Variants in FCGR1A observed in about 807,000 individuals in gnomAD.
FCGR1A encodes the protein Fc gamma receptor Ia.
In FCGR1A, 13 loss-of-function variants were observed where a neutral mutation model predicts 35.0. The ratio of observed to expected loss-of-function variants is 0.37; its 90% CI spans 0.24 to 0.59. The LOEUF (loss-of-function observed/expected upper bound fraction) is 0.59. FCGR1A is among the 20% of genes least tolerant of loss of function. The pLI, the probability that FCGR1A is intolerant of heterozygous loss-of-function variation, is 0.71. For synonymous variants in FCGR1A, 91 were observed against 164.7 expected (o/e 0.55, Z 3.43); for missense variants, 227 against 430.0 (o/e 0.53, Z 4.17).
chr1:149,784,792 A>G (rs587766035), intron 3 of FCGR1A, among the ~76,000 whole-genome samples: 50 of 151,338 alleles, frequency 3.3e-4, no homozygotes, highest in African/African-American at 9.2e-4. Flanking sequence ...TCTTACTTTT[A>G]TCACTTAAAA....
At chr1:149,783,002 C>T (rs1205774136) in intron 1 of FCGR1A, 168 bp from the exon 2 acceptor site, 3 of 585,842 alleles carry the variant, frequency 5.1e-6, no homozygotes, top group Non-Finnish European at 9.2e-6. Flanking sequence ...TGATAACCAC[C>T]TGTAGCTTGT....
At chr1:149,784,683 G>A (rs1185622884) in intron 3 of FCGR1A, among the ~76,000 whole-genome samples, 1 of 134,384 alleles carries the variant, frequency 7.4e-6, no homozygotes, top group East Asian at 2.2e-4. Flanking sequence ...GTATATATTA[G>A]CATTATTATA....
At chr1:149,788,269 G>A in intron 3 of FCGR1A, 97 bp from the exon 4 acceptor site, 2 of 1,608,986 alleles carry the variant, frequency 1.2e-6, no homozygotes, top group Non-Finnish European at 1.7e-6. Context: ...GAGGCTGGAT[G>A]TTGCAAGGAG....
chr1:149,799,620 T>A, the FCGR1A span, among the ~76,000 whole-genome samples: 1 of 152,240 alleles, frequency 6.6e-6, no homozygotes, highest in Admixed American at 6.5e-5. Flanking sequence ...AAATCTTATT[T>A]GGTAGATTTG....
the FCGR1A span, among the ~76,000 whole-genome samples, chr1:149,797,075 G>C: frequency 6.6e-6 from 1 of 152,110 alleles, no homozygotes; most frequent in Non-Finnish European, 1.5e-5. Context: ...ACCACACCCG[G>C]CTAATTTTTG....
rs1361270347 is a variant in FCGR1A, at chr1:149,791,339, A to G, written c.947A>G (p.Glu316Gly). 2 of 1,585,026 alleles carry G rather than the reference A, an allele frequency of 1.3e-6. 1 individual carries two copies. Among genetic ancestry groups the G allele is most frequent in the African/African-American group, 2.9e-5 (2 of 69,988 alleles). Residue 316 changes from glutamate to glycine, a missense_variant, in exon 6 of 6, where the codon GAA becomes GGA. By Grantham distance (98) the Glu-to-Gly change is moderately conservative. Around this residue, in one of 3 missense-constraint regions of FCGR1A, gnomAD observed 39 missense variants for 101.3 expected, o/e 0.38. Coordinates refer to ENST00000369168, the MANE Select transcript of FCGR1A (RefSeq NM_000566.4). ...GTTCTCTGGGTGACAATACGTAAAG[A>G]ACTGAAAAGAAAGAAAAAGTGGGAT... The part of the protein sequence containing the change: ...NTVLWVTIRK[E>G]LKRKKKWDLE...
Position 149,784,138 on chromosome 1 carries a change from C to T in FCGR1A, c.188C>T (p.Thr63Ile). The change falls in exon 3 of 6, where the codon ACT becomes ATT. Residue 63 changes from threonine to isoleucine, a missense_variant. Physicochemically the swap from Thr to Ile is moderately conservative, Grantham distance 89 (BLOSUM62 -1). Around this residue, in one of 3 missense-constraint regions of FCGR1A, gnomAD observed 185 missense variants for 306.6 expected, o/e 0.60. Coordinates refer to ENST00000369168, the MANE Select transcript of FCGR1A (RefSeq NM_000566.4). ...CAGTGGTTTCTCAATGGCACAGCCA[C>T]TCAGACCTCGACCCCCAGCTACAGA... ...STQWFLNGTA[T>I]QTSTPSYRIT... 7 of 1,611,796 alleles carry T rather than the reference C, an allele frequency of 4.3e-6. No homozygotes were observed. The highest frequency in any genetic ancestry group is 5.9e-6 in the Non-Finnish European group (7 of 1,179,848).
At chr1:149,799,278 C>T in the FCGR1A span, among the ~76,000 whole-genome samples, 1 of 151,054 alleles carries the variant, frequency 6.6e-6, no homozygotes, top group South Asian at 2.1e-4. Context: ...TTCTTATATC[C>T]AGTGGAGCCC....
chr1:149,790,808 CA>C (rs1444943007), intron 5 of FCGR1A, among the ~76,000 whole-genome samples: 11 of 151,142 alleles, frequency 7.3e-5, no homozygotes, highest in Admixed American at 6.6e-4. Flanking sequence ...AAGGAGCTCA[CA>C]AGGTGGATTT....
chr1:149,790,429 A>G lies in FCGR1A; in HGVS notation c.844+91A>G, dbSNP rs1435753611. On this transcript the variant is annotated intron_variant, in intron 5 of 5. Transcript: ENST00000369168. ...AGGTTTGTTCAAGGGTTTTTGGCCCAGACAGGAGGGGAAAGTCTCTTCAGG... is the reference window on the plus strand; with the variant it reads ...AGGTTTGTTCAAGGGTTTTTGGCCCGGACAGGAGGGGAAAGTCTCTTCAGG... The G allele has an allele frequency of 1.9e-6, 3 of 1,544,822 alleles. No individual in the cohort carries two copies. In the African/African-American group the frequency reaches 4.1e-5, roughly 21 times the overall value.
chr1:149,789,563 C>G (rs587622948), intron 4 of FCGR1A, among the ~76,000 whole-genome samples: 1 of 152,260 alleles, frequency 6.6e-6, no homozygotes, highest in Non-Finnish European at 1.5e-5. Flanking sequence ...GTTCCCAACC[C>G]TTACTGGTCC....
the FCGR1A span, among the ~76,000 whole-genome samples, chr1:149,800,120 G>C: frequency 6.6e-6 from 1 of 151,988 alleles, no homozygotes; most frequent in African/African-American, 2.4e-5. Flanking sequence ...TGCTAGAGCA[G>C]TTCATGAAAC....
chr1:149,789,048 C>A, intron 4 of FCGR1A, among the ~76,000 whole-genome samples: 1 of 151,732 alleles, frequency 6.6e-6, no homozygotes, highest in Non-Finnish European at 1.5e-5. Context: ...GACAAAGCAG[C>A]CTCTGTGGTG....
At chr1:149,790,396 T>G (rs1464777352) in intron 5 of FCGR1A, 58 bp downstream of exon 5, 51 of 1,551,440 alleles carry the variant, frequency 3.3e-5, no homozygotes, top group Non-Finnish European at 4.4e-5. Context: ...TTATCTCCCA[T>G]GGGACTGAGG....
At chr1:149,789,138 T>A (rs1160469547) in intron 4 of FCGR1A, among the ~76,000 whole-genome samples, 18 of 151,330 alleles carry the variant, frequency 1.2e-4, no homozygotes, top group African/African-American at 4.4e-4. Flanking sequence ...TTCCTCTTAA[T>A]ACAATCACTA....
intron 3 of FCGR1A, chr1:149,786,665 T>C (rs1418056267): frequency 2.0e-5 from 3 of 152,206 alleles, no homozygotes; most frequent in East Asian, 3.9e-4. Context: ...GATTGTTGAG[T>C]AGGAAATTAG....
chr1:149,789,318 G>A (rs1172693097), intron 4 of FCGR1A, among the ~76,000 whole-genome samples: 8 of 152,062 alleles, frequency 5.3e-5, no homozygotes, highest in African/African-American at 1.7e-4. Context: ...GCATGAACCC[G>A]GGAAGCGGAG....
chr1:149,789,757 C>T (rs1278876886), intron 4 of FCGR1A, among the ~76,000 whole-genome samples: 1 of 152,102 alleles, frequency 6.6e-6, no homozygotes, highest in African/African-American at 2.4e-5. Context: ...CAAAACTGTC[C>T]CCACTTCACC....
downstream of FCGR1A, chr1:149,792,614 A>C (rs1275737360): frequency 3.5e-5 from 43 of 1,226,966 alleles, 2 homozygotes; most frequent in African/African-American, 6.0e-4. Context: ...CCCTGGCGCC[A>C]CACTGTGGCC....
Sources: allele counts gnomAD v4.1 joint callset (sites outside exome capture counted in the v4.1 genomes callset), GRCh38; gene constraint gnomAD v4.1.1; regional missense constraint gnomAD v4.1.1; transcripts MANE v1.5; gene names NCBI Gene and HGNC (gene_info 2026-07-23, HGNC 2026-07-21).